LIN7C: variants seen among roughly 807,000 people sequenced by gnomAD.
LIN7C encodes protein lin-7 homolog C.
In LIN7C, 17 loss-of-function variants were observed where a neutral mutation model predicts 24.7. The ratio of observed to expected loss-of-function variants is 0.69; its 90% confidence interval spans 0.47 to 1.03. LIN7C has a LOEUF of 1.03. LIN7C is among the 50% of genes least tolerant of loss of function. The probability of loss-of-function intolerance (pLI) is 0.00; values close to 1 mark genes in which losing one functional copy is unlikely to be tolerated. For missense variants in LIN7C, 204 were observed against 239.0 expected, an observed-to-expected ratio of 0.85 and a Z score of 0.97; for synonymous variants, 90 against 83.4, an observed-to-expected ratio of 1.08 and a Z score of -0.43.
chr11:27,499,383 ATC>A lies in LIN7C; in HGVS notation c.412_413del (p.Asp138SerfsTer6), dbSNP rs1279825710. 5.0e-6 allele frequency: 8 copies of A among 1,613,904 alleles called. No homozygotes were observed. Among genetic ancestry groups the A allele is most frequent in the African/African-American group, 1.3e-5 (1 of 74,900 alleles). ...ADRHGGLKRGDQLLSVNGVSV... is the reference protein window; with the variant it reads ...ADRHGGLKRGXQLLSVNGVSV... ...CCACTCCATTAACAGAGAGGAGTTG[ATC>A]TCCACGTTTGAGGCCCCCATGTCTA... On this transcript the variant is annotated frameshift_variant, in exon 4 of 5. Coordinates refer to ENST00000278193, the MANE Select transcript of LIN7C (RefSeq NM_018362.4). LOFTEE classifies it high-confidence loss of function.
chr11:27,499,872 C>T (rs752415419), intron 3 of LIN7C, among the ~76,000 whole-genome samples: 1 of 152,166 alleles, frequency 6.6e-6, no homozygotes, highest in Non-Finnish European at 1.5e-5. Context: ...CGTGATCCGC[C>T]CGCCTTGGCC....
chr11:27,503,710 C>T (rs1356642624), intron 1 of LIN7C, among the ~76,000 whole-genome samples: 5 of 152,188 alleles, frequency 3.3e-5, no homozygotes, highest in Non-Finnish European at 7.3e-5. Context: ...GACAGGGTTT[C>T]ACCCTGTTGG....
chr11:27,499,570 T>C lies in LIN7C; in HGVS notation c.229-2A>G. 1 of 1,612,024 alleles carries C rather than the reference T, an allele frequency of 6.2e-7. No individual in the cohort carries two copies. The highest frequency in any genetic ancestry group is 8.5e-7 in the Non-Finnish European group (1 of 1,178,986). ...GGCAGCAAATGCAGCAACAGTAGCC[T>C]GAAAGAAAGTTTTACATATTAAAAA... On this transcript the variant is annotated splice_acceptor_variant, in intron 3 of 4. Transcript: ENST00000278193. LOFTEE classifies it high-confidence loss of function.
chr11:27,500,581 T>C (rs1865214841), intron 3 of LIN7C, among the ~76,000 whole-genome samples: 1 of 152,162 alleles, frequency 6.6e-6, no homozygotes, highest in South Asian at 2.1e-4. Context: ...AGGGTAATTA[T>C]CTAGTACCAT....
chr11:27,495,304 A>C lies in LIN7C; in HGVS notation c.*3345T>G, dbSNP rs939648599. ...AACACGGTGAAACCCCGTCTCTACT[A>C]AAAATACAAAAAAATTAGCCGGGAG... On this transcript the variant is annotated 3_prime_UTR_variant, in exon 5 of 5. Transcript: ENST00000278193. 5 of 152,256 alleles carry C rather than the reference A, an allele frequency of 3.3e-5. No individual in the cohort carries two copies. The highest frequency in any genetic ancestry group is 7.2e-5 in the African/African-American group (3 of 41,392). The allele number at this position is 152,256 out of a possible 1,614,324, so 9.4% of individuals were successfully genotyped here.
At position 27,501,010 on chromosome 11, in the gene LIN7C, G is replaced by C. The variant is rs556303945; in HGVS notation, c.228+485C>G. Among the ~76,000 whole-genome samples the C allele has an allele frequency of 3.9e-5, 6 of 152,158 alleles. No homozygotes were observed. The South Asian group carries it at 1.2e-3, about 32-fold the overall frequency. Reference sequence around the variant, plus strand: ...ACCTAAATTATTTGAGGAAAACAATGGCACAGAAATGCAGATAATGTAAAG... The same window carrying C: ...ACCTAAATTATTTGAGGAAAACAATCGCACAGAAATGCAGATAATGTAAAG... On this transcript the variant is annotated intron_variant, in intron 3 of 4. Transcript: ENST00000278193.
rs1865188359 is a variant in LIN7C, at chr11:27,498,126, C to CA, written c.*522dup. The CA allele has an allele frequency of 6.6e-6, 1 of 152,168 alleles. No individual in the cohort carries two copies. Among genetic ancestry groups the CA allele is most frequent in the Non-Finnish European group, 1.5e-5 (1 of 68,276 alleles). The allele number at this position is 152,168 out of a possible 1,614,324, so 9.4% of individuals were successfully genotyped here. On this transcript the variant is annotated 3_prime_UTR_variant, in exon 5 of 5. Coordinates refer to ENST00000278193, the MANE Select transcript of LIN7C (RefSeq NM_018362.4). ...ATATATTATGTGTGTGTTCAAAGTA[C>CA]AAAATGCAGCAATGATGTTAACATT...
rs1255017071 is a variant in LIN7C at position 27,494,748 on chromosome 11, T to A, written c.*3901A>T. The A allele has an allele frequency of 6.6e-6, 1 of 152,214 alleles. No individual in the cohort carries two copies. Among genetic ancestry groups the A allele is most frequent in the Non-Finnish European group, 1.5e-5 (1 of 68,024 alleles). 9.4% of individuals were successfully genotyped at this position (152,214 alleles called of 1,614,324 possible). A position where few individuals can be genotyped will look rare whatever the true frequency, so the allele number is the denominator to read the frequency against. ...AAAAAACCGAGTCAATACAAATTAG[T>A]CTCAAAGTTCTTGAAAATTAATAAG... On this transcript the variant is annotated 3_prime_UTR_variant, in exon 5 of 5. Coordinates refer to ENST00000278193, the MANE Select transcript of LIN7C (RefSeq NM_018362.4).
Position 27,496,149 on chromosome 11 carries a change from A to T in LIN7C, c.*2500T>A, listed in dbSNP as rs1350091200. 6.6e-6 allele frequency: 1 copy of T among 150,742 alleles called. No individual in the cohort carries two copies. Among genetic ancestry groups the T allele is most frequent in the Non-Finnish European group, 1.5e-5 (1 of 67,854 alleles). The allele number at this position is 150,742 out of a possible 1,614,324, so 9.3% of individuals were successfully genotyped here. ...AGGTGTCCTTTAGAACCACCTGGAA[A>T]GCTTTACAAAAAAAAAAAAAAGGGT... On this transcript the variant is annotated 3_prime_UTR_variant, in exon 5 of 5. Coordinates refer to ENST00000278193, the MANE Select transcript of LIN7C (RefSeq NM_018362.4).
Position 27,498,473 on chromosome 11 carries a change from G to T in LIN7C, c.*176C>A. 1.7e-6 allele frequency: 1 copy of T among 583,244 alleles called. No homozygotes were observed. The highest frequency in any genetic ancestry group is 2.9e-6 in the Non-Finnish European group (1 of 347,962). 36.1% of individuals were successfully genotyped at this position (583,244 alleles called of 1,614,324 possible). A position where few individuals can be genotyped will look rare whatever the true frequency, so the allele number is the denominator to read the frequency against. Reference sequence around the variant, plus strand: ...TTACTTTTTCTTGTCAGAAAAAAGTGTATGCATCTCTGGAACCATAAATGA... The same window carrying T: ...TTACTTTTTCTTGTCAGAAAAAAGTTTATGCATCTCTGGAACCATAAATGA... On this transcript the variant is annotated 3_prime_UTR_variant, in exon 5 of 5. Transcript: ENST00000278193.
At chr11:27,506,640 ACTC>A in intron 1 of LIN7C, 73 bp downstream of exon 1, 1 of 1,489,558 alleles carries the variant, frequency 6.7e-7, no homozygotes, top group Non-Finnish European at 9.3e-7. Flanking sequence ...AGCCTGGGTC[ACTC>A]CTCCTCCCCT....
At position 27,498,579 on chromosome 11, in the gene LIN7C, G is replaced by A. The variant is rs2133486686; in HGVS notation, c.*70C>T. ...TTTTCTTACAATCATTGGCATTGCA[G>A]CCATTAGTAAGTCACAAGGAAAACT... On this transcript the variant is annotated 3_prime_UTR_variant, in exon 5 of 5. Coordinates refer to ENST00000278193, the MANE Select transcript of LIN7C (RefSeq NM_018362.4). 2.2e-6 allele frequency: 3 copies of A among 1,377,758 alleles called. No homozygotes were observed. The East Asian group carries it at 7.0e-5, about 32-fold the overall frequency. 85.3% of individuals were successfully genotyped at this position (1,377,758 alleles called of 1,614,324 possible).
rs927967390 is a variant in LIN7C at position 27,498,568 on chromosome 11, T to C, written c.*81A>G. ...AAATTTGTTTGTTTTCTTACAATCA[T>C]TGGCATTGCAGCCATTAGTAAGTCA... is the stretch of plus-strand genomic sequence containing the variant. On this transcript the variant is annotated 3_prime_UTR_variant, in exon 5 of 5. Coordinates refer to ENST00000278193, the MANE Select transcript of LIN7C (RefSeq NM_018362.4). 1,215 of 1,237,890 alleles carry C rather than the reference T, an allele frequency of 9.8e-4. 17 individuals carry two copies. The highest frequency in any genetic ancestry group is 2.2e-4 in the Admixed American group (10 of 46,158). 76.7% of individuals were successfully genotyped at this position (1,237,890 alleles called of 1,614,324 possible).
At chr11:27,501,648 CT>C in intron 2 of LIN7C, 82 bp from the exon 3 acceptor site, 1 of 174,278 alleles carries the variant, frequency 5.7e-6, no homozygotes, top group Non-Finnish European at 1.1e-5. Flanking sequence ...AGTTATGCAT[CT>C]TTATAAAATG....
At chr11:27,502,096 T>C (rs1263969326) in intron 1 of LIN7C, among the ~76,000 whole-genome samples, 176 bp from the exon 2 acceptor site, 2 of 152,092 alleles carry the variant, frequency 1.3e-5, no homozygotes, top group East Asian at 1.9e-4. Flanking sequence ...TGTACACACA[T>C]GGAGGGTGAG....
intron 1 of LIN7C, among the ~76,000 whole-genome samples, chr11:27,502,402 A>T (rs1405511429): frequency 2.6e-5 from 4 of 152,242 alleles, no homozygotes; most frequent in African/African-American, 9.6e-5. Flanking sequence ...ATTCCTCGAA[A>T]GAAACATGAT....
intron 1 of LIN7C, among the ~76,000 whole-genome samples, chr11:27,506,261 G>A (rs986452273): frequency 6.6e-6 from 1 of 152,240 alleles, no homozygotes; most frequent in Non-Finnish European, 1.5e-5. Context: ...TGTGGAGAAA[G>A]TAATGAAGGA....
chr11:27,505,009 A>G (rs1164695952), intron 1 of LIN7C, among the ~76,000 whole-genome samples: 4 of 152,240 alleles, frequency 2.6e-5, no homozygotes, highest in African/African-American at 9.6e-5. Flanking sequence ...TAAATGCCAC[A>G]GAAGTTCCAC....
At position 27,497,754 on chromosome 11, in the gene LIN7C, G is replaced by A. The variant is rs1334146698; in HGVS notation, c.*895C>T. ...AGCTACTTCCCACCACCAAATAACT[G>A]GTTTGTCTCTAGGAATGGAAGGACT... On this transcript the variant is annotated 3_prime_UTR_variant, in exon 5 of 5. Transcript: ENST00000278193. 1 of 151,872 alleles carries A rather than the reference G, an allele frequency of 6.6e-6. No homozygotes were observed. Among genetic ancestry groups the A allele is most frequent in the East Asian group, 1.9e-4 (1 of 5,184 alleles). 9.4% of individuals were successfully genotyped at this position (151,872 alleles called of 1,614,324 possible). A position where few individuals can be genotyped will look rare whatever the true frequency, so the allele number is the denominator to read the frequency against.
Sources: allele counts gnomAD v4.1 joint callset (sites outside exome capture counted in the v4.1 genomes callset), GRCh38; gene constraint gnomAD v4.1.1; transcripts MANE v1.5; gene names NCBI Gene and HGNC (gene_info 2026-07-23, HGNC 2026-07-21).